The following TMEM41B variants were observed in gnomAD, a reference collection of about 807,000 sequenced individuals.
The protein encoded by TMEM41B is transmembrane protein 41B.
TMEM41B carries 18 observed loss-of-function variants against 31.9 expected under a neutral mutation model. The ratio of observed to expected loss-of-function variants is 0.56; its 90% CI spans 0.39 to 0.84. TMEM41B has a LOEUF of 0.84. TMEM41B is among the 40% of genes least tolerant of loss of function. The pLI is 0.00. For synonymous variants in TMEM41B, 144 were observed against 124.3 expected (o/e 1.16, Z -1.05); for missense variants, 322 against 348.0 (o/e 0.93, Z 0.59).
intron 1 of TMEM41B, among the ~76,000 whole-genome samples, chr11:9,312,580 G>C (rs562975224): frequency 6.6e-6 from 1 of 152,236 alleles, no homozygotes; most frequent in South Asian, 2.1e-4. Flanking sequence ...CTATAGATTT[G>C]TGATCTATAG....
In TMEM41B at chr11:9,299,524, T is replaced by TA; in HGVS notation, c.239+59dup. 11 of 1,209,094 alleles carry TA rather than the reference T, an allele frequency of 9.1e-6. No homozygotes were observed. In the South Asian group the frequency reaches 1.4e-4, roughly 16 times the overall value. The allele number at this position is 1,209,094 out of a possible 1,614,324, so 74.9% of individuals were successfully genotyped here. On this transcript the variant is annotated intron_variant, in intron 2 of 6. Coordinates refer to ENST00000528080, the MANE Select transcript of TMEM41B (RefSeq NM_015012.4). ...AGGCATCAGCTACTGCACTTGGCCT[T>TA]AATCCACTTTCATCTTATAAATATC...
intron 1 of TMEM41B, among the ~76,000 whole-genome samples, chr11:9,302,173 A>AT (rs201405393): frequency 0.32 from 28,935 of 91,018 alleles, 11,279 homozygotes; most frequent in Non-Finnish European, 0.42. Flanking sequence ...TGCCCGGCTA[A>AT]TTTTTTTTTG....
intron 2 of TMEM41B, among the ~76,000 whole-genome samples, chr11:9,296,304 G>A (rs536439338): frequency 1.3e-5 from 2 of 152,052 alleles, no homozygotes; most frequent in South Asian, 2.1e-4. Flanking sequence ...TTCCAACATC[G>A]AAACAAATTT....
At chr11:9,308,979 G>A (rs1340042261) in intron 1 of TMEM41B, among the ~76,000 whole-genome samples, 1 of 152,116 alleles carries the variant, frequency 6.6e-6, no homozygotes, top group African/African-American at 2.4e-5. Flanking sequence ...CCGGGCGTGG[G>A]GCTAACACCT....
chr11:9,299,049 G>C (rs1195426917), intron 2 of TMEM41B, among the ~76,000 whole-genome samples: 1 of 151,832 alleles, frequency 6.6e-6, no homozygotes, highest in African/African-American at 2.4e-5. Flanking sequence ...GGGAGGCCGA[G>C]GCAGGTGGAT....
chr11:9,297,095 G>T (rs975406124), intron 2 of TMEM41B, among the ~76,000 whole-genome samples: 1 of 151,524 alleles, frequency 6.6e-6, no homozygotes, highest in Admixed American at 6.6e-5. Flanking sequence ...GCTAGTTGTT[G>T]TTTTTTTTAG....
intron 1 of TMEM41B, among the ~76,000 whole-genome samples, chr11:9,310,646 T>C (rs1234668013): frequency 7.3e-6 from 1 of 137,090 alleles, no homozygotes; most frequent in Non-Finnish European, 1.5e-5. Flanking sequence ...ACCGATTAGG[T>C]TAAGAGCCCT....
At chr11:9,288,603 C>A in intron 3 of TMEM41B, 68 bp from the exon 4 acceptor site, 1 of 1,179,364 alleles carries the variant, frequency 8.5e-7, no homozygotes, top group Admixed American at 2.6e-5. Context: ...TGTAACATTT[C>A]AGGAAAAAAG....
chr11:9,293,445 T>C (rs1211698890), intron 3 of TMEM41B, among the ~76,000 whole-genome samples: 2 of 126,960 alleles, frequency 1.6e-5, no homozygotes, highest in African/African-American at 2.6e-5. Context: ...CTTATGTATA[T>C]GAGTGTACTC....
intron 1 of TMEM41B, chr11:9,311,277 A>T: frequency 6.6e-7 from 1 of 1,509,510 alleles, no homozygotes; most frequent in South Asian, 1.1e-5. Context: ...CAGGGCCTGT[A>T]TTCAGTCAGA....
Position 9,282,940 on chromosome 11 carries a change from G to GAAAAAAAAAAA in TMEM41B, c.*473_*483dup, listed in dbSNP as rs56313114. The GAAAAAAAAAAA allele has an allele frequency of 4.3e-5, 4 of 92,602 alleles. No individual in the cohort carries two copies. The highest frequency in any genetic ancestry group is 3.7e-4 in the East Asian group (1 of 2,718). 5.7% of individuals were successfully genotyped at this position (92,602 alleles called of 1,614,324 possible). On this transcript the variant is annotated 3_prime_UTR_variant, in exon 7 of 7. Coordinates refer to ENST00000528080, the MANE Select transcript of TMEM41B (RefSeq NM_015012.4). ...CAGAGCTAGACTCCGTCTCAAAACA[G>GAAAAAAAAAAA]AAAAAAAAAAAAAAAAAAAAAGAGG... is the stretch of plus-strand genomic sequence containing the variant.
At chr11:9,299,345 C>CACACACGT (rs201083248) in intron 2 of TMEM41B, among the ~76,000 whole-genome samples, 9 of 144,152 alleles carry the variant, frequency 6.2e-5, no homozygotes, top group South Asian at 2.2e-4. Flanking sequence ...CACACACACA[C>CACACACGT]GTGTGTGTAT....
At chr11:9,303,219 A>G (rs1307777592) in intron 1 of TMEM41B, among the ~76,000 whole-genome samples, 7 of 152,034 alleles carry the variant, frequency 4.6e-5, no homozygotes, top group South Asian at 2.1e-4. Context: ...GGGTTTCACC[A>G]TATTGGCCAG....
intron 1 of TMEM41B, among the ~76,000 whole-genome samples, chr11:9,307,651 A>G (rs1169398642): frequency 1.3e-5 from 2 of 151,848 alleles, no homozygotes; most frequent in Non-Finnish European, 2.9e-5. Flanking sequence ...CATGTTGGTC[A>G]GGCTGGTCTC....
At chr11:9,285,812 CAA>C (rs59531093) in intron 6 of TMEM41B, among the ~76,000 whole-genome samples, 6 of 70,606 alleles carry the variant, frequency 8.5e-5, no homozygotes, top group Admixed American at 6.4e-4. Flanking sequence ...GCAACATTTA[CAA>C]AAAAAAAAAA....
intron 3 of TMEM41B, among the ~76,000 whole-genome samples, chr11:9,294,488 CAA>C (rs61211297): frequency 9.1e-5 from 8 of 88,390 alleles, no homozygotes; most frequent in Non-Finnish European, 1.4e-4. Flanking sequence ...AACTCCATCT[CAA>C]AAAAAAAAAA....
chr11:9,314,263 C>A, intron 1 of TMEM41B, 58 bp downstream of exon 1: 1 of 1,526,690 alleles, frequency 6.6e-7, no homozygotes, highest in Admixed American at 2.0e-5. Context: ...GTCCTTTTCC[C>A]CACCCGACAC....
intron 1 of TMEM41B, 87 bp downstream of exon 1, chr11:9,314,234 C>T (rs1853633527): frequency 7.0e-7 from 1 of 1,432,682 alleles, no homozygotes; most frequent in South Asian, 1.4e-5. Context: ...TTCCCCGCGA[C>T]TCTCCGAGAA....
chr11:9,310,926 T>A (rs928265204), intron 1 of TMEM41B, among the ~76,000 whole-genome samples: 1 of 152,202 alleles, frequency 6.6e-6, no homozygotes, highest in African/African-American at 2.4e-5. Flanking sequence ...TTTTTCATCA[T>A]AATTAAATTT....
Sources: allele counts gnomAD v4.1 joint callset (sites outside exome capture counted in the v4.1 genomes callset), GRCh38; gene constraint gnomAD v4.1.1; transcripts MANE v1.5; gene names NCBI Gene and HGNC (gene_info 2026-07-23, HGNC 2026-07-21).